Variants in RAP1GAP observed in about 807,000 individuals in gnomAD.
The protein encoded by RAP1GAP is RAP1 GTPase activating protein.
In RAP1GAP, 35 loss-of-function variants were observed where a neutral mutation model predicts 87.2. That is an observed-to-expected ratio of 0.40 (90% confidence interval 0.31 to 0.53). The LOEUF (loss-of-function observed/expected upper bound fraction) is 0.53. Among genes scored for constraint, RAP1GAP ranks in the 20% least tolerant of loss-of-function variants. The pLI, the probability that RAP1GAP is intolerant of heterozygous loss-of-function variation, is 0.48. For synonymous variants in RAP1GAP, 375 were observed against 363.9 expected (o/e 1.03, Z -0.35); for missense variants, 734 against 898.9 (o/e 0.82, Z 2.35).
At chr1:21,661,195 T>C (rs984123691) in intron 1 of RAP1GAP, among the ~76,000 whole-genome samples, 3 of 150,038 alleles carry the variant, frequency 2.0e-5, no homozygotes, top group Admixed American at 1.3e-4. Context: ...GAGGTTGCAC[T>C]GAGCTGAGAT....
chr1:21,644,870 C>T (rs1161038704), intron 2 of RAP1GAP, among the ~76,000 whole-genome samples: 1 of 143,162 alleles, frequency 7.0e-6, no homozygotes, highest in Non-Finnish European at 1.5e-5. Context: ...CACTGCACCC[C>T]AGCCTGGGTA....
intron 3 of RAP1GAP, among the ~76,000 whole-genome samples, chr1:21,625,446 G>C (rs2091559737): frequency 6.6e-6 from 1 of 152,170 alleles, no homozygotes. Context: ...TGTCACCCCT[G>C]CATCAGAGAG....
In RAP1GAP at chr1:21,611,134, CATGACCCCAT is replaced by C. The variant is rs570093384; in HGVS notation, c.843+308_843+317del. 1.8e-4 allele frequency among the ~76,000 whole-genome samples: 27 copies of C among 152,364 alleles called. No homozygotes were observed. In the East Asian group the frequency reaches 4.6e-3, roughly 26 times the overall value. On this transcript the variant is annotated intron_variant, in intron 13 of 24. Coordinates refer to ENST00000374765, the MANE Select transcript of RAP1GAP (RefSeq NM_002885.4). ...CCTCTGCCAAGACTACATGTCCCCA[CATGACCCCAT>C]GATGCTCTCCACTCCCCATAAAACA...
chr1:21,650,233 C>G, intron 1 of RAP1GAP, among the ~76,000 whole-genome samples: 1 of 152,040 alleles, frequency 6.6e-6, no homozygotes, highest in East Asian at 1.9e-4. Flanking sequence ...CCCCAAGGCC[C>G]GTAGCCTGCC....
chr1:21,667,174 A>C (rs1250859345), intron 1 of RAP1GAP, among the ~76,000 whole-genome samples: 3 of 152,192 alleles, frequency 2.0e-5, no homozygotes, highest in Non-Finnish European at 4.4e-5. Context: ...AGCATGGAGG[A>C]CAGATCTGCC....
chr1:21,616,672 T>C (rs1387874887), intron 7 of RAP1GAP, among the ~76,000 whole-genome samples: 3 of 152,218 alleles, frequency 2.0e-5, no homozygotes, highest in African/African-American at 4.8e-5. Flanking sequence ...TGACAAGTTG[T>C]TGCTGGGCAG....
Position 21,625,896 on chromosome 1 carries a change from G to A in RAP1GAP, c.-19+408C>T, listed in dbSNP as rs115153330. ...GTTGACAGGGCTCTTGCTCTGTGCC[G>A]GATGCTGTGCCTGGGCCGCCCTGTC... On this transcript the variant is annotated intron_variant, in intron 3 of 24. Coordinates refer to ENST00000374765, the MANE Select transcript of RAP1GAP (RefSeq NM_002885.4). 4.8e-3 allele frequency among the ~76,000 whole-genome samples: 737 copies of A among 152,240 alleles called. 6 individuals carry two copies. Among genetic ancestry groups the A allele is most frequent in the African/African-American group, 0.017 (712 of 41,526 alleles).
chr1:21,664,671 C>A (rs2097279358), intron 1 of RAP1GAP, among the ~76,000 whole-genome samples: 1 of 152,224 alleles, frequency 6.6e-6, no homozygotes, highest in Admixed American at 6.5e-5. Flanking sequence ...CTGGTGATAG[C>A]CATGCCAACT....
chr1:21,657,039 A>C (rs945266093), intron 1 of RAP1GAP, among the ~76,000 whole-genome samples: 2 of 152,266 alleles, frequency 1.3e-5, no homozygotes, highest in Admixed American at 1.3e-4. Flanking sequence ...AAGACAGACA[A>C]GGTCTCTGGT....
chr1:21,600,371 G>A (rs1384500819), intron 20 of RAP1GAP, among the ~76,000 whole-genome samples: 1 of 152,054 alleles, frequency 6.6e-6, no homozygotes, highest in East Asian at 1.9e-4. Context: ...TCACCTACCC[G>A]GCTCTTTAGC....
rs573374163 is a variant in RAP1GAP, at chr1:21,640,197, C to G, written c.-113+9564G>C. Among the ~76,000 whole-genome samples the G allele has an allele frequency of 3.3e-4, 51 of 152,256 alleles. 1 individual carries two copies. In the South Asian group the frequency reaches 0.01, roughly 31 times the overall value. On this transcript the variant is annotated intron_variant, in intron 2 of 24. Transcript: ENST00000374765. ...ACGCTGTGCCCCCTGCCTGTTACCC[C>G]CTTCCCGTCCGCTTGGATCACATTT...
chr1:21,655,043 G>A (rs886443611), intron 1 of RAP1GAP, among the ~76,000 whole-genome samples: 2 of 150,820 alleles, frequency 1.3e-5, no homozygotes, highest in African/African-American at 4.9e-5. Flanking sequence ...GGGAGGCTGA[G>A]ACAGGAGAAT....
intron 1 of RAP1GAP, among the ~76,000 whole-genome samples, chr1:21,652,056 C>T (rs1354766692): frequency 3.3e-5 from 5 of 151,670 alleles, no homozygotes; most frequent in Admixed American, 1.3e-4. Context: ...GAGCCGGGCC[C>T]AGCCGGGCGG....
intron 2 of RAP1GAP, among the ~76,000 whole-genome samples, chr1:21,635,710 G>A (rs1558803375): frequency 5.3e-5 from 8 of 152,212 alleles, no homozygotes; most frequent in Non-Finnish European, 1.5e-5. Context: ...CCCAGGCGGG[G>A]TGACCACCCA....
chr1:21,640,585 C>T (rs956450743), intron 2 of RAP1GAP, among the ~76,000 whole-genome samples: 1 of 152,226 alleles, frequency 6.6e-6, no homozygotes, highest in Non-Finnish European at 1.5e-5. Flanking sequence ...CCTCAGCCTG[C>T]AGGCAGCTGG....
chr1:21,637,196 G>A (rs901729926), intron 2 of RAP1GAP, among the ~76,000 whole-genome samples: 16 of 142,310 alleles, frequency 1.1e-4, no homozygotes, highest in Admixed American at 7.3e-4. Context: ...TCACTTTGTC[G>A]CCCAGGGTGG....
chr1:21,597,943 C>G lies in RAP1GAP; in HGVS notation c.1983+18G>C. 1 of 1,556,656 alleles carries G rather than the reference C, an allele frequency of 6.4e-7. No homozygotes were observed. Among genetic ancestry groups the G allele is most frequent in the Non-Finnish European group, 8.7e-7 (1 of 1,148,936 alleles). On this transcript the variant is annotated intron_variant, in intron 23 of 24. Transcript: ENST00000374765. Reference sequence around the variant, plus strand: ...GGGTGGGGCTCCCTCAGCACCAGCCCCAGGAGGCTGCACGTACCAGCTGGG... The same window carrying G: ...GGGTGGGGCTCCCTCAGCACCAGCCGCAGGAGGCTGCACGTACCAGCTGGG...
intron 18 of RAP1GAP, among the ~76,000 whole-genome samples, chr1:21,605,597 C>A (rs2073905148): frequency 6.6e-6 from 1 of 151,902 alleles, no homozygotes; most frequent in Non-Finnish European, 1.5e-5. Flanking sequence ...ACAGTAGATG[C>A]TCACAGAGTG....
intron 2 of RAP1GAP, among the ~76,000 whole-genome samples, chr1:21,641,517 G>C (rs115812892): frequency 3.1e-4 from 47 of 152,310 alleles, no homozygotes; most frequent in African/African-American, 1.1e-3. Context: ...TACCTTAGCT[G>C]TCTGTCTCCT....
Sources: allele counts gnomAD v4.1 joint callset (sites outside exome capture counted in the v4.1 genomes callset), GRCh38; gene constraint gnomAD v4.1.1; transcripts MANE v1.5; gene names NCBI Gene and HGNC (gene_info 2026-07-23, HGNC 2026-07-21).